Variants in RNLS observed in about 807,000 individuals in gnomAD.
RNLS encodes the protein renalase, FAD dependent amine oxidase.
In RNLS, 39 loss-of-function variants were observed where a neutral mutation model predicts 39.8. The ratio of observed to expected loss-of-function variants is 0.98; its 90% CI spans 0.76 to 1.28. The LOEUF is 1.28. Among genes scored for constraint, RNLS ranks in the 50% most tolerant of loss-of-function variants. The pLI is 0.00. For missense variants in RNLS, 410 were observed against 413.3 expected (o/e 0.99, Z 0.07); for synonymous variants, 147 against 150.7 (o/e 0.98, Z 0.18).
chr10:88,372,273 C>T (rs1850623442), intron 4 of RNLS, among the ~76,000 whole-genome samples: 1 of 152,062 alleles, frequency 6.6e-6, no homozygotes, highest in Non-Finnish European at 1.5e-5. Flanking sequence ...GGAGCGTTTT[C>T]TAATCCCTGC....
chr10:88,537,589 A>G (rs117880374), intron 4 of RNLS, among the ~76,000 whole-genome samples: 1 of 152,334 alleles, frequency 6.6e-6, no homozygotes, highest in Non-Finnish European at 1.5e-5. Context: ...AGTGGGAGAA[A>G]CTAAACATAT....
At chr10:88,455,656 T>A (rs890233495) in intron 4 of RNLS, among the ~76,000 whole-genome samples, 5 of 152,160 alleles carry the variant, frequency 3.3e-5, no homozygotes, top group African/African-American at 4.8e-5. Flanking sequence ...TCCGCCTGCC[T>A]CGACCTCCGA....
chr10:88,457,858 T>C (rs1589827122), intron 4 of RNLS, among the ~76,000 whole-genome samples: 1 of 152,160 alleles, frequency 6.6e-6, no homozygotes, highest in East Asian at 1.9e-4. Context: ...TGAAGCTAGA[T>C]TTGACGTCAC....
intron 4 of RNLS, among the ~76,000 whole-genome samples, chr10:88,377,809 A>G (rs1429561913): frequency 6.6e-6 from 1 of 152,136 alleles, no homozygotes; most frequent in African/African-American, 2.4e-5. Context: ...TATTTTAACA[A>G]ATTTTCTTCA....
the RNLS span, among the ~76,000 whole-genome samples, chr10:88,259,673 G>T: frequency 2.6e-5 from 4 of 152,164 alleles, no homozygotes; most frequent in Non-Finnish European, 5.9e-5. Context: ...TTTTTTCCAA[G>T]TATATGGGAG....
At chr10:88,503,294 T>A (rs898830807) in intron 4 of RNLS, among the ~76,000 whole-genome samples, 2 of 152,164 alleles carry the variant, frequency 1.3e-5, no homozygotes, top group Non-Finnish European at 2.9e-5. Flanking sequence ...GGCATGAGAA[T>A]CACTTGAACA....
chr10:88,525,879 A>C (rs1385542717), intron 4 of RNLS, among the ~76,000 whole-genome samples: 2 of 152,104 alleles, frequency 1.3e-5, no homozygotes, highest in Admixed American at 1.3e-4. Context: ...CATACCTCCC[A>C]GTAATAGCAC....
chr10:88,366,863 C>T (rs1037737563), intron 4 of RNLS, among the ~76,000 whole-genome samples: 1 of 151,488 alleles, frequency 6.6e-6, no homozygotes. Context: ...AGTTGCCTTA[C>T]AAGAACCAAC....
At chr10:88,247,328 G>C in the RNLS span, among the ~76,000 whole-genome samples, 1 of 152,228 alleles carries the variant, frequency 6.6e-6, no homozygotes, top group Non-Finnish European at 1.5e-5. Context: ...GAGTTTGCCA[G>C]ATAAGAAGAA....
At chr10:88,516,224 A>T (rs889293962) in intron 4 of RNLS, among the ~76,000 whole-genome samples, 1 of 152,038 alleles carries the variant, frequency 6.6e-6, no homozygotes, top group Non-Finnish European at 1.5e-5. Flanking sequence ...GGGTTAGAAG[A>T]TATAGAAGGA....
At chr10:88,546,020 GC>G (rs397846968) in intron 4 of RNLS, among the ~76,000 whole-genome samples, 4 of 152,048 alleles carry the variant, frequency 2.6e-5, no homozygotes, top group Non-Finnish European at 5.9e-5. Flanking sequence ...GAAATTAAGT[GC>G]CCTAAACTGG....
chr10:88,429,635 T>C (rs980403783), intron 4 of RNLS, among the ~76,000 whole-genome samples: 3 of 151,904 alleles, frequency 2.0e-5, no homozygotes, highest in African/African-American at 7.2e-5. Context: ...CTTTTAGAAG[T>C]TTTGTAATTT....
intron 4 of RNLS, among the ~76,000 whole-genome samples, chr10:88,512,576 T>C (rs938127329): frequency 5.3e-5 from 8 of 152,176 alleles, no homozygotes; most frequent in African/African-American, 1.7e-4. Flanking sequence ...AAAAGCTTTA[T>C]TTAACATCAC....
chr10:88,184,447 A>G, the RNLS span, among the ~76,000 whole-genome samples: 2 of 152,268 alleles, frequency 1.3e-5, no homozygotes, highest in African/African-American at 4.8e-5. Flanking sequence ...AATAATCAGT[A>G]TAGGTTTCTT....
At chr10:88,460,267 T>C (rs1374986733) in intron 4 of RNLS, among the ~76,000 whole-genome samples, 1 of 152,170 alleles carries the variant, frequency 6.6e-6, no homozygotes, top group African/African-American at 2.4e-5. Flanking sequence ...CTAACTTCTG[T>C]TTTCTTGCTT....
chr10:88,536,454 G>C (rs866535479), intron 4 of RNLS, among the ~76,000 whole-genome samples: 12 of 152,238 alleles, frequency 7.9e-5, no homozygotes, highest in African/African-American at 1.9e-4. Context: ...GTCAGAGAGA[G>C]CATTTAAAAT....
At chr10:88,575,262 GTA>G (rs1286811413) in intron 3 of RNLS, among the ~76,000 whole-genome samples, 6 of 140,248 alleles carry the variant, frequency 4.3e-5, no homozygotes, top group Admixed American at 2.9e-4. Flanking sequence ...AGGTGTATAT[GTA>G]TATGTGTGTG....
chr10:88,266,531 G>T, the RNLS span, among the ~76,000 whole-genome samples: 3 of 152,070 alleles, frequency 2.0e-5, no homozygotes, highest in African/African-American at 7.2e-5. Context: ...TAATCCCATT[G>T]CTTTGTAAAG....
chr10:88,203,298 A>ATG, the RNLS span, among the ~76,000 whole-genome samples: 1 of 7,314 alleles, frequency 1.4e-4, no homozygotes, highest in African/African-American at 8.9e-4. Flanking sequence ...ATACGTATGT[A>ATG]TATATATATA....
Sources: allele counts gnomAD v4.1 joint callset (sites outside exome capture counted in the v4.1 genomes callset), GRCh38; gene constraint gnomAD v4.1.1; transcripts MANE v1.5; gene names NCBI Gene and HGNC (gene_info 2026-07-23, HGNC 2026-07-21).